ALG9: variants seen among roughly 807,000 people sequenced by gnomAD.
ALG9 encodes the protein alpha-1,2-mannosyltransferase ALG9.
In ALG9, 55 loss-of-function variants were observed where a neutral mutation model predicts 81.8. The observed-to-expected ratio is 0.67, with a 90% CI of 0.54 to 0.84. The LOEUF (loss-of-function observed/expected upper bound fraction) is 0.84, where lower values mean the gene tolerates loss of function less well. Ranked by LOEUF, ALG9 falls within the 40% of genes least tolerant of loss-of-function variation. ALG9 has a pLI of 0.00. For synonymous variants in ALG9, 278 were observed against 274.3 expected (o/e 1.01, Z -0.13); for missense variants, 629 against 745.0 (o/e 0.84, Z 1.81).
At chr11:111,823,784 A>G (rs1952806936) in intron 13 of ALG9, among the ~76,000 whole-genome samples, 1 of 152,216 alleles carries the variant, frequency 6.6e-6, no homozygotes, top group African/African-American at 2.4e-5. Context: ...GAAAGCTCCA[A>G]TGGTTGTTTC....
chr11:111,857,532 G>T, intron 6 of ALG9, 70 bp downstream of exon 6: 1 of 1,597,314 alleles, frequency 6.3e-7, no homozygotes, highest in Non-Finnish European at 8.6e-7. Context: ...CAGACAATAT[G>T]GAGCTAATCC....
At chr11:111,841,036 T>A (rs1956139973) in intron 9 of ALG9, among the ~76,000 whole-genome samples, 1 of 152,100 alleles carries the variant, frequency 6.6e-6, no homozygotes, top group South Asian at 2.1e-4. Flanking sequence ...ACAAGCACAA[T>A]ACTAGATTTG....
intron 8 of ALG9, chr11:111,849,430 G>C (rs1172822896): frequency 6.6e-6 from 1 of 152,178 alleles, no homozygotes; most frequent in African/African-American, 2.4e-5. Flanking sequence ...TTACACATGA[G>C]AAATAGCACT....
intron 13 of ALG9, among the ~76,000 whole-genome samples, chr11:111,824,423 T>G (rs551271841): frequency 6.6e-6 from 1 of 152,192 alleles, no homozygotes; most frequent in Non-Finnish European, 1.5e-5. Flanking sequence ...ATATTGTTAT[T>G]ACAGTTTAAA....
chr11:111,853,470 T>C lies in ALG9; in HGVS notation c.805A>G (p.Ile269Val), dbSNP rs1958150849. 2 of 1,613,804 alleles carry C rather than the reference T, an allele frequency of 1.2e-6. No homozygotes were observed. The highest frequency in any genetic ancestry group is 2.7e-5 in the African/African-American group (2 of 74,938). Residue 269 changes from isoleucine (I) to valine (V), a missense_variant, in exon 8 of 15, where the codon ATT (isoleucine) becomes GTT (valine). Ile to Val is a conservative substitution (Grantham distance 29). Around this residue, in one of 3 missense-constraint regions of ALG9, gnomAD observed 344 missense variants for 390.5 expected, o/e 0.88. Transcript: ENST00000616540. ...LILFLVPVVV[I>V]DSYYYGKLVI... ...AACTTCCCATAATAGTAGCTGTCAA[T>C]GACCACCACAGGCACCTAAAACAGA...
At chr11:111,863,151 C>G (rs1307563512) in intron 4 of ALG9, among the ~76,000 whole-genome samples, 1 of 152,004 alleles carries the variant, frequency 6.6e-6, no homozygotes, top group Non-Finnish European at 1.5e-5. Context: ...GCGGGCAGAT[C>G]ACGAAGTCAG....
chr11:111,773,757 G>C, the ALG9 span, among the ~76,000 whole-genome samples: 1 of 84,212 alleles, frequency 1.2e-5, no homozygotes, highest in African/African-American at 6.2e-5. Context: ...TTTTGTTTTT[G>C]CTTTTTTTTT....
chr11:111,867,575 G>C (rs1054802772), intron 3 of ALG9, among the ~76,000 whole-genome samples: 2 of 152,120 alleles, frequency 1.3e-5, no homozygotes, highest in Non-Finnish European at 2.9e-5. Context: ...TGCAATGGAC[G>C]GGGTCAGCAT....
intron 8 of ALG9, among the ~76,000 whole-genome samples, chr11:111,852,228 C>T (rs1957940770): frequency 6.6e-6 from 1 of 152,148 alleles, no homozygotes; most frequent in Non-Finnish European, 1.5e-5. Context: ...GTTCCAAGAC[C>T]CTCAAAAGAT....
At chr11:111,807,254 G>A (rs1950059780) in intron 14 of ALG9, among the ~76,000 whole-genome samples, 1 of 152,076 alleles carries the variant, frequency 6.6e-6, no homozygotes, top group Non-Finnish European at 1.5e-5. Context: ...TTTATAACCT[G>A]CACTCTCACC....
intron 8 of ALG9, among the ~76,000 whole-genome samples, chr11:111,846,527 A>G (rs1391585765): frequency 1.3e-5 from 2 of 152,234 alleles, no homozygotes; most frequent in East Asian, 3.8e-4. Flanking sequence ...ATGAGGAAAC[A>G]AAAGTATTAA....
chr11:111,868,849 G>C, intron 2 of ALG9, 113 bp from the exon 3 acceptor site: 2 of 1,125,206 alleles, frequency 1.8e-6, no homozygotes, highest in South Asian at 3.8e-5. Flanking sequence ...AGCCAGGCAC[G>C]ATGCCTCACA....
downstream of ALG9, among the ~76,000 whole-genome samples, chr11:111,779,788 C>T (rs1414916311): frequency 2.6e-5 from 4 of 152,150 alleles, no homozygotes; most frequent in African/African-American, 9.7e-5. Context: ...AAAAAAAGCT[C>T]ATACTCAGGT....
At chr11:111,793,760 C>CAAAAA (rs35166603) in intron 14 of ALG9, among the ~76,000 whole-genome samples, 3 of 53,898 alleles carry the variant, frequency 5.6e-5, no homozygotes, top group Admixed American at 1.9e-4. Context: ...GAGTCCAGCT[C>CAAAAA]AAAAAAAAAA....
the ALG9 span, among the ~76,000 whole-genome samples, chr11:111,773,340 G>A: frequency 6.6e-6 from 1 of 152,016 alleles, no homozygotes; most frequent in Non-Finnish European, 1.5e-5. Flanking sequence ...CACCTCCCGG[G>A]TCCAAGTGAT....
chr11:111,838,997 G>A (rs964776122), intron 10 of ALG9, among the ~76,000 whole-genome samples: 95 of 152,094 alleles, frequency 6.2e-4, no homozygotes, highest in African/African-American at 2.1e-3. Flanking sequence ...CTTACAGAAA[G>A]CAATTTTCCA....
intron 13 of ALG9, among the ~76,000 whole-genome samples, chr11:111,817,785 T>G (rs1446386339): frequency 6.6e-6 from 1 of 151,498 alleles, no homozygotes; most frequent in East Asian, 1.9e-4. Flanking sequence ...TTCTTTTTTT[T>G]TTTTTTTTTT....
intron 5 of ALG9, among the ~76,000 whole-genome samples, chr11:111,858,186 C>T (rs1216210708): frequency 2.0e-5 from 3 of 152,098 alleles, no homozygotes; most frequent in Admixed American, 6.6e-5. Context: ...CTGCCTGTCT[C>T]GACCTCCCAA....
At chr11:111,780,057 G>A (rs1555056395), downstream of ALG9, among the ~76,000 whole-genome samples, 1 of 152,184 alleles carries the variant, frequency 6.6e-6, no homozygotes, top group Non-Finnish European at 1.5e-5. Context: ...TCAATCTGAT[G>A]TATGGCTACG....
Sources: gnomAD v4.1 joint callset for allele counts (sites outside exome capture counted in the v4.1 genomes callset) on GRCh38, gnomAD v4.1.1 for gene constraint, gnomAD v4.1.1 regional missense constraint, MANE v1.5 for transcripts, NCBI Gene and HGNC (gene_info 2026-07-23, HGNC 2026-07-21) for gene names.